The following PHKA1 variants were observed in gnomAD, a reference collection of about 807,000 sequenced individuals.
The protein encoded by PHKA1 is phosphorylase b kinase regulatory subunit alpha, skeletal muscle isoform.
In PHKA1, 60 loss-of-function variants were observed where a neutral mutation model predicts 110.2. That is an observed-to-expected ratio of 0.54 (90% CI 0.44 to 0.68). The LOEUF (loss-of-function observed/expected upper bound fraction) is 0.68, where lower values mean the gene tolerates loss of function less well. Among genes scored for constraint, PHKA1 ranks in the 30% least tolerant of loss-of-function variants. The pLI is 0.00. For missense variants in PHKA1, 801 were observed against 942.5 expected, an observed-to-expected ratio of 0.85 and a Z score of 1.97; for synonymous variants, 316 against 333.6, an observed-to-expected ratio of 0.95 and a Z score of 0.58.
chrX:72,622,681 T>A lies in PHKA1; in HGVS notation c.1960+428A>T, dbSNP rs1303792629. ...AAACTACACAGACCTCCCCAGAGAT[T>A]CCGATATGCTCCTCTAATATTATAT... On this transcript the variant is annotated intron_variant, in intron 18 of 31. Coordinates refer to ENST00000373542, the MANE Select transcript of PHKA1 (RefSeq NM_002637.4). 8.2e-6 allele frequency: 6 copies of A among 736,076 alleles called. No individual in the cohort carries two copies. In the East Asian group the frequency reaches 9.2e-4, roughly 112 times the overall value. The allele number at this position is 736,076 out of a possible 1,213,427, so 60.7% of individuals were successfully genotyped here. A position where few individuals can be genotyped will look rare whatever the true frequency, so the allele number is the denominator to read the frequency against.
intron 28 of PHKA1, among the ~76,000 whole-genome samples, chrX:72,600,178 T>C (rs982107515): frequency 3.6e-5 from 4 of 110,306 alleles, no homozygotes; most frequent in African/African-American, 1.3e-4. Context: ...TATTTAGAAA[T>C]AAGAAAGTAA....
chrX:72,650,346 A>T, intron 13 of PHKA1, 44 bp downstream of exon 13: 1 of 1,028,028 alleles, frequency 9.7e-7, no homozygotes, highest in Non-Finnish European at 1.4e-6. Context: ...CCATAACCAG[A>T]CCTTTAATAT....
chrX:72,682,412 G>T (rs1456339822), intron 5 of PHKA1, among the ~76,000 whole-genome samples: 1 of 112,507 alleles, frequency 8.9e-6, no homozygotes, highest in Non-Finnish European at 1.9e-5. Context: ...CCACCACCCC[G>T]TCTGGGAGGT....
At chrX:72,665,722 T>C (rs1275306695) in intron 8 of PHKA1, among the ~76,000 whole-genome samples, 1 of 112,358 alleles carries the variant, frequency 8.9e-6, no homozygotes, top group Non-Finnish European at 1.9e-5. Flanking sequence ...CTTTTTATTG[T>C]TGAGCAGTAT....
At chrX:72,655,547 CTA>C (rs1169367010) in intron 10 of PHKA1, among the ~76,000 whole-genome samples, 3 of 112,786 alleles carry the variant, frequency 2.7e-5, no homozygotes, top group African/African-American at 9.6e-5. Context: ...TGGGGAAAAA[CTA>C]TTTTCATTAT....
At chrX:72,713,668 C>T in intron 1 of PHKA1, 135 bp downstream of exon 1, 1 of 296,104 alleles carries the variant, frequency 3.4e-6, no homozygotes, top group Non-Finnish European at 6.4e-6. Context: ...GCAAGGTCTC[C>T]GTCACACACA....
chrX:72,667,437 C>T lies in PHKA1; in HGVS notation c.655G>A (p.Gly219Ser). ...LEALDELDLFGVKGGPQSVIH... is the reference protein window; with the variant it reads ...LEALDELDLFSVKGGPQSVIH... ...ACTGATTGAGGCCCACCTTTCACAC[C>T]AAACAGATCCAGTTCATCTAATGCT... Residue 219 changes from glycine to serine, a missense_variant, in exon 7 of 32, where the codon GGT (glycine) becomes AGT (serine). Gly to Ser is a moderately conservative substitution (Grantham distance 56). Transcript: ENST00000373542. 8.3e-7 allele frequency: 1 copy of T among 1,210,272 alleles called. No individual in the cohort carries two copies. The highest frequency in any genetic ancestry group is 1.1e-6 in the Non-Finnish European group (1 of 894,246).
intron 18 of PHKA1, 102 bp from the exon 19 acceptor site, chrX:72,621,003 A>G: frequency 2.3e-6 from 2 of 884,070 alleles, no homozygotes; most frequent in Non-Finnish European, 3.2e-6. Flanking sequence ...CTGTGCTCAC[A>G]ACACAGCACC....
At chrX:72,696,006 A>G in intron 3 of PHKA1, 130 bp from the exon 4 acceptor site, 1 of 573,317 alleles carries the variant, frequency 1.7e-6, no homozygotes, top group Non-Finnish European at 3.0e-6. Flanking sequence ...GTGAATATTT[A>G]AAATACTCGT....
intron 9 of PHKA1, among the ~76,000 whole-genome samples, chrX:72,656,928 A>C: frequency 8.9e-6 from 1 of 111,836 alleles, no homozygotes. Flanking sequence ...CAAGGCTAAA[A>C]AATAAAGTGG....
intron 18 of PHKA1, among the ~76,000 whole-genome samples, chrX:72,621,340 T>G (rs2052976403): frequency 9.0e-6 from 1 of 111,311 alleles, no homozygotes; most frequent in Admixed American, 9.5e-5. Flanking sequence ...AGTCACCTCG[T>G]TTGTTTACTC....
Position 72,605,980 on chromosome X carries a change from C to CT in PHKA1, c.2607-362dup, listed in dbSNP as rs782090452. ...AGTACTAAATTAATTTTAAGCTGTG[C>CT]TTTTTTTGTAATACACAATGTTTCT... On this transcript the variant is annotated intron_variant, in intron 23 of 31. Coordinates refer to ENST00000373542, the MANE Select transcript of PHKA1 (RefSeq NM_002637.4). Among the ~76,000 whole-genome samples, 363 of 112,130 alleles carry CT rather than the reference C, an allele frequency of 3.2e-3. 1 individual carries two copies. The highest frequency in any genetic ancestry group is 0.011 in the African/African-American group (347 of 30,885).
At chrX:72,688,052 C>T (rs782450271) in intron 4 of PHKA1, among the ~76,000 whole-genome samples, 14 of 110,614 alleles carry the variant, frequency 1.3e-4, no homozygotes, top group Non-Finnish European at 2.1e-4. Flanking sequence ...TGGTCTTGAA[C>T]TCCTGACCTT....
Position 72,579,779 on chromosome X carries a change from T to C in PHKA1, c.*1223A>G, listed in dbSNP as rs1482079777. 1.8e-5 allele frequency: 2 copies of C among 111,593 alleles called. No individual in the cohort carries two copies. The highest frequency in any genetic ancestry group is 9.6e-5 in the Admixed American group (1 of 10,430). The allele number at this position is 111,593 out of a possible 1,213,427, so 9.2% of individuals were successfully genotyped here. A position where few individuals can be genotyped will look rare whatever the true frequency, so the allele number is the denominator to read the frequency against. On this transcript the variant is annotated 3_prime_UTR_variant, in exon 32 of 32. Coordinates refer to ENST00000373542, the MANE Select transcript of PHKA1 (RefSeq NM_002637.4). ...ACACACACATACACACACAAATATG[T>C]GTCTTTATAAGAAACAGACATATGC...
chrX:72,658,746 T>A (rs1215742908), intron 8 of PHKA1, among the ~76,000 whole-genome samples: 1 of 112,034 alleles, frequency 8.9e-6, no homozygotes, highest in Non-Finnish European at 1.9e-5. Context: ...CGGTTATGCA[T>A]ATTGGGAAGG....
chrX:72,675,021 T>TAA (rs74372049), intron 6 of PHKA1, among the ~76,000 whole-genome samples: 1 of 87,531 alleles, frequency 1.1e-5, no homozygotes, highest in Non-Finnish European at 2.3e-5. Context: ...CTGTCTCTAC[T>TAA]AAAAAAAAAA....
intron 4 of PHKA1, among the ~76,000 whole-genome samples, chrX:72,693,923 G>C (rs1380253666): frequency 2.7e-5 from 3 of 112,091 alleles, no homozygotes; most frequent in Non-Finnish European, 5.6e-5. Context: ...ATACTTGGTA[G>C]ATTTCCTGGA....
At chrX:72,651,221 C>T (rs1334800898) in intron 12 of PHKA1, among the ~76,000 whole-genome samples, 2 of 111,150 alleles carry the variant, frequency 1.8e-5, no homozygotes, top group African/African-American at 6.6e-5. Context: ...ATGGGATGAA[C>T]TCACCTATTT....
At chrX:72,710,498 C>T (rs995531659) in intron 2 of PHKA1, among the ~76,000 whole-genome samples, 35 of 111,759 alleles carry the variant, frequency 3.1e-4, no homozygotes, top group African/African-American at 1.1e-3. Context: ...GACCTACAAC[C>T]CTAATGACAA....
Sources: allele counts gnomAD v4.1 joint callset (sites outside exome capture counted in the v4.1 genomes callset), GRCh38; gene constraint gnomAD v4.1.1; transcripts MANE v1.5; gene names NCBI Gene and HGNC (gene_info 2026-07-23, HGNC 2026-07-21).